Variants in ZNF529 observed in about 807,000 individuals in gnomAD.
ZNF529 encodes the protein zinc finger protein 529.
ZNF529 carries 11 observed loss-of-function variants against 10.1 expected under a neutral mutation model. That is an observed-to-expected ratio of 1.09 (90% CI 0.69 to 1.81). ZNF529 has a LOEUF of 1.81. Ranked by LOEUF, ZNF529 falls within the 40% of genes most tolerant of loss-of-function variation. The probability of loss-of-function intolerance (pLI) is 0.00; values close to 1 mark genes in which losing one functional copy is unlikely to be tolerated. For synonymous variants in ZNF529, 204 were observed against 215.7 expected (o/e 0.95, Z 0.47); for missense variants, 624 against 666.8 (o/e 0.94, Z 0.71).
At position 36,578,399 on chromosome 19, in the gene ZNF529, G is replaced by A. The variant is rs543692630; in HGVS notation, c.-41+11216C>T. On this transcript the variant is annotated intron_variant, in intron 2 of 4. Transcript: ENST00000585960. ...CAGCTCACTGCAAGCTCCGCCTCCC[G>A]GGTTCACGCTATTCTCCTGCCTCAG... 1.4e-3 allele frequency among the ~76,000 whole-genome samples: 188 copies of A among 132,762 alleles called. 1 individual carries two copies. Among genetic ancestry groups the A allele is most frequent in the African/African-American group, 5.0e-3 (177 of 35,426 alleles). The allele number at this position is 132,762 out of a possible 152,430, so 87.1% of individuals were successfully genotyped here.
In ZNF529 at chr19:36,544,672, A is replaced by G. The variant is rs1388584475; in HGVS notation, c.*2194T>C. ...TGAAATAGCAAATATCCTGACAAAA[A>G]GGTTAACATACTCTTGTTCTTACTG... On this transcript the variant is annotated 3_prime_UTR_variant, in exon 5 of 5. Transcript: ENST00000591340. 6.6e-6 allele frequency: 1 copy of G among 152,214 alleles called. No individual in the cohort carries two copies. The allele number at this position is 152,214 out of a possible 1,614,324, so 9.4% of individuals were successfully genotyped here. A position where few individuals can be genotyped will look rare whatever the true frequency, so the allele number is the denominator to read the frequency against.
intron 1 of ZNF529, among the ~76,000 whole-genome samples, chr19:36,600,287 G>C (rs1009282609): frequency 6.6e-6 from 1 of 152,162 alleles, no homozygotes; most frequent in Non-Finnish European, 1.5e-5. Context: ...AATAAATACT[G>C]TTTGGGCCAC....
intron 2 of ZNF529, among the ~76,000 whole-genome samples, chr19:36,588,301 T>C (rs1163083273): frequency 6.6e-6 from 1 of 152,210 alleles, no homozygotes; most frequent in African/African-American, 2.4e-5. Context: ...TAGTTTAGTA[T>C]ATGGTCTCCA....
At chr19:36,590,760 T>C (rs1290610284) in intron 1 of ZNF529, among the ~76,000 whole-genome samples, 1 of 151,902 alleles carries the variant, frequency 6.6e-6, no homozygotes, top group African/African-American at 2.4e-5. Context: ...TGAAACCCCA[T>C]CTCTACTAAA....
In ZNF529 at chr19:36,547,114, C is replaced by G; in HGVS notation, c.1444G>C (p.Val482Leu). Residue 482 changes from valine to leucine, a missense_variant, in exon 5 of 5, where the codon GTA becomes CTA. Physicochemically the swap from Val to Leu is conservative, Grantham distance 32 (BLOSUM62 1). Transcript: ENST00000591340. ...CTATGTCTAAAGGCCTTCCCACATA[C>G]CTTACATTCATAAGGTTTCTCACCA... Reference protein sequence around the residue: ...HSGEKPYECKVCGKAFRHSSA... With the variant: ...HSGEKPYECKLCGKAFRHSSA... 6.2e-6 allele frequency: 10 copies of G among 1,613,802 alleles called. No homozygotes were observed. The highest frequency in any genetic ancestry group is 7.6e-6 in the Non-Finnish European group (9 of 1,179,912).
At chr19:36,559,256 C>T (rs2035590623) in intron 2 of ZNF529, among the ~76,000 whole-genome samples, 1 of 152,236 alleles carries the variant, frequency 6.6e-6, no homozygotes, top group Non-Finnish European at 1.5e-5. Context: ...GACAACCATA[C>T]AATCCAGCAA....
intron 2 of ZNF529, among the ~76,000 whole-genome samples, chr19:36,579,195 C>T (rs1219146157): frequency 6.7e-6 from 1 of 148,300 alleles, no homozygotes; most frequent in East Asian, 2.0e-4. Flanking sequence ...AGTGAGACTC[C>T]GTCTAAAAAA....
intron 2 of ZNF529, 85 bp downstream of exon 2, chr19:36,572,248 C>T: frequency 7.0e-7 from 1 of 1,438,254 alleles, no homozygotes; most frequent in East Asian, 2.5e-5. Context: ...CAATGGAGGA[C>T]AAGGGGACCC....
chr19:36,584,118 A>T (rs2036527409), intron 2 of ZNF529, among the ~76,000 whole-genome samples: 1 of 152,090 alleles, frequency 6.6e-6, no homozygotes, highest in Non-Finnish European at 1.5e-5. Flanking sequence ...GAAGGGAGGG[A>T]AGGAAAGAAA....
upstream of ZNF529, chr19:36,578,043 A>G (rs1161760382): frequency 6.6e-6 from 1 of 150,512 alleles, no homozygotes; most frequent in Non-Finnish European, 1.5e-5. Context: ...GGGCAAGAAC[A>G]AAGAGTGTGG....
upstream of ZNF529, among the ~76,000 whole-genome samples, chr19:36,575,905 A>T (rs1025240906): frequency 2.4e-4 from 36 of 152,020 alleles, no homozygotes; most frequent in African/African-American, 8.7e-4. Context: ...TGGGAGTGCA[A>T]TGGCGTCGTC....
intron 1 of ZNF529, among the ~76,000 whole-genome samples, chr19:36,591,082 A>T (rs991624908): frequency 4.6e-5 from 7 of 151,702 alleles, no homozygotes; most frequent in Non-Finnish European, 7.4e-5. Flanking sequence ...TGGGCAGGTC[A>T]TGAGGTCAAG....
At chr19:36,548,811 A>C (rs1312254363) in intron 4 of ZNF529, among the ~76,000 whole-genome samples, 1 of 152,186 alleles carries the variant, frequency 6.6e-6, no homozygotes, top group Non-Finnish European at 1.5e-5. Flanking sequence ...ACCTGAGCTC[A>C]GAACTTTGTG....
chr19:36,605,311 G>A (rs1367636055), upstream of ZNF529: 1 of 152,444 alleles, frequency 6.6e-6, no homozygotes, highest in Non-Finnish European at 1.5e-5. Context: ...GAGTGCGCAG[G>A]CGCAGACGAC....
intron 2 of ZNF529, among the ~76,000 whole-genome samples, chr19:36,578,726 AG>A (rs2034146292): frequency 6.6e-6 from 1 of 151,556 alleles, no homozygotes. Flanking sequence ...CTGCTGCCTC[AG>A]CCTCCCTGGT....
At chr19:36,577,270 T>G, upstream of ZNF529, 2 of 416,126 alleles carry the variant, frequency 4.8e-6, no homozygotes, top group South Asian at 3.5e-5. Flanking sequence ...CTACTTTCTA[T>G]CGAAGTAGAA....
chr19:36,568,516 G>T (rs548762297), intron 2 of ZNF529, among the ~76,000 whole-genome samples: 7 of 150,406 alleles, frequency 4.7e-5, no homozygotes, highest in African/African-American at 1.7e-4. Context: ...TTGTCATCTA[G>T]GCTGGAGTGC....
upstream of ZNF529, among the ~76,000 whole-genome samples, chr19:36,575,942 G>A (rs747939802): frequency 3.9e-5 from 6 of 151,906 alleles, no homozygotes; most frequent in Non-Finnish European, 5.9e-5. Flanking sequence ...TCTGCCTCCC[G>A]GGTTCAAGCA....
At chr19:36,592,411 T>C (rs2036743181) in intron 1 of ZNF529, among the ~76,000 whole-genome samples, 1 of 148,952 alleles carries the variant, frequency 6.7e-6, no homozygotes, top group Admixed American at 6.7e-5. Flanking sequence ...CTGGGCAACA[T>C]GGTCAAACTC....
Sources: allele counts gnomAD v4.1 joint callset (sites outside exome capture counted in the v4.1 genomes callset), GRCh38; gene constraint gnomAD v4.1.1; transcripts MANE v1.5; gene names NCBI Gene and HGNC (gene_info 2026-07-23, HGNC 2026-07-21).